The following SUCLA2 variants were observed in gnomAD, a reference collection of about 807,000 sequenced individuals.
SUCLA2 encodes the protein succinate-CoA ligase ADP-forming subunit beta.
SUCLA2 carries 30 observed loss-of-function variants against 54.8 expected under a neutral mutation model. The observed-to-expected ratio is 0.55, with a 90% confidence interval of 0.41 to 0.74. The LOEUF (loss-of-function observed/expected upper bound fraction) is 0.74. SUCLA2 is among the 30% of genes least tolerant of loss of function. The pLI, the probability that SUCLA2 is intolerant of heterozygous loss-of-function variation, is 0.00. For synonymous variants in SUCLA2, 172 were observed against 188.9 expected (o/e 0.91, Z 0.74); for missense variants, 476 against 562.9 (o/e 0.85, Z 1.56).
intron 6 of SUCLA2, 91 bp from the exon 7 acceptor site, chr13:47,954,648 GAC>G: frequency 7.5e-7 from 1 of 1,330,374 alleles, no homozygotes; most frequent in African/African-American, 1.5e-5. Flanking sequence ...TTAGGGAAAA[GAC>G]ACATTTTAAT....
chr13:47,980,318 G>A (rs1044251931), intron 4 of SUCLA2, among the ~76,000 whole-genome samples: 1 of 152,128 alleles, frequency 6.6e-6, no homozygotes, highest in Non-Finnish European at 1.5e-5. Context: ...GGGAGTCTGA[G>A]GCAGGAGAAT....
intron 6 of SUCLA2, chr13:47,956,952 T>C (rs1234984476): frequency 6.6e-6 from 1 of 152,230 alleles, no homozygotes; most frequent in Non-Finnish European, 1.5e-5. Flanking sequence ...GACTATTCTT[T>C]TGGATAAACA....
At chr13:47,978,085 T>C (rs890419438) in intron 4 of SUCLA2, among the ~76,000 whole-genome samples, 5 of 152,196 alleles carry the variant, frequency 3.3e-5, no homozygotes, top group Non-Finnish European at 7.3e-5. Flanking sequence ...AAAATGGCCA[T>C]ACTGCCCAAA....
At chr13:47,966,400 T>C (rs1011797666) in intron 6 of SUCLA2, among the ~76,000 whole-genome samples, 3 of 152,056 alleles carry the variant, frequency 2.0e-5, no homozygotes, top group African/African-American at 7.2e-5. Flanking sequence ...GCAATTCTTA[T>C]CCTTTTACTT....
At chr13:47,972,054 C>T (rs1949970924) in intron 5 of SUCLA2, 1 of 387,896 alleles carries the variant, frequency 2.6e-6, no homozygotes, top group East Asian at 3.6e-5. Context: ...AGTTCAAGAC[C>T]AGCATGGCCA....
rs1048663131 is a variant in SUCLA2, at chr13:47,954,256, T to C, written c.991A>G (p.Thr331Ala). ...CCATGAAGTTTTATTATATCCATTG[T>C]GGCCATAGCCAAACCAGCACCATTT... ...LVNGAGLAMA[T>A]MDIIKLHGGT... Residue 331 changes from threonine to alanine, a missense_variant, in exon 8 of 11, where the codon ACA becomes GCA. Transcript: ENST00000646932. 1.9e-6 allele frequency: 3 copies of C among 1,613,862 alleles called. No individual in the cohort carries two copies. The highest frequency in any genetic ancestry group is 2.7e-5 in the African/African-American group (2 of 74,922).
In SUCLA2 at chr13:47,986,385, G is replaced by T. The variant is rs185394928; in HGVS notation, c.534+2156C>A. Among the ~76,000 whole-genome samples, 898 of 152,164 alleles carry T rather than the reference G, an allele frequency of 5.9e-3. 12 individuals carry two copies. Among genetic ancestry groups the T allele is most frequent in the African/African-American group, 0.02 (814 of 41,504 alleles). ...TGTACTTTGCCCCCTTTTTAATGGGGTTGTTTGCTTTTTTTCTTGAAAATT... is the reference window on the plus strand; with the variant it reads ...TGTACTTTGCCCCCTTTTTAATGGGTTTGTTTGCTTTTTTTCTTGAAAATT... On this transcript the variant is annotated intron_variant, in intron 4 of 10. Transcript: ENST00000646932.
chr13:47,996,799 G>C, intron 2 of SUCLA2, 44 bp downstream of exon 2: 1 of 1,597,530 alleles, frequency 6.3e-7, no homozygotes, highest in Non-Finnish European at 8.6e-7. Flanking sequence ...AATCTTCTCA[G>C]AGCTCTCATG....
rs759605518 is a variant in SUCLA2 at position 48,001,248 on chromosome 13, C to T, written c.22G>A (p.Gly8Ser). The T allele has an allele frequency of 8.1e-6, 13 of 1,605,382 alleles. No individual in the cohort carries two copies. The highest frequency in any genetic ancestry group is 3.4e-5 in the Admixed American group (2 of 58,822). Reference protein sequence around the residue: MAASMFYGRLVAVATLRN... With the variant: MAASMFYSRLVAVATLRN... The stretch of plus-strand genomic sequence containing the variant: ...AGGGTGGCCACGGCCACTAGCCTGC[C>T]GTAGAACATGGAGGCCGCCATTTCT... The change falls in exon 1 of 11, where the codon GGC becomes AGC. Residue 8 changes from glycine (G) to serine (S), a missense_variant. Physicochemically the swap from Gly to Ser is moderately conservative, Grantham distance 56. This residue lies in a region of SUCLA2 where 134 missense variants were observed against 118.7 expected (regional missense o/e 1.13). Coordinates refer to ENST00000646932, the MANE Select transcript of SUCLA2 (RefSeq NM_003850.3).
intron 10 of SUCLA2, among the ~76,000 whole-genome samples, chr13:47,948,164 A>G (rs1949748304): frequency 6.6e-6 from 1 of 152,204 alleles, no homozygotes; most frequent in South Asian, 2.1e-4. Context: ...TTGCTTGAAA[A>G]TAATCACAGT....
intron 4 of SUCLA2, among the ~76,000 whole-genome samples, chr13:47,984,196 T>C (rs1036457941): frequency 8.2e-5 from 12 of 146,782 alleles, no homozygotes; most frequent in Non-Finnish European, 1.5e-5. Context: ...ACTTTTCACT[T>C]TTTTTTTTTT....
intron 6 of SUCLA2, among the ~76,000 whole-genome samples, chr13:47,964,657 A>G (rs1337981096): frequency 2.6e-5 from 4 of 152,116 alleles, no homozygotes; most frequent in African/African-American, 7.2e-5. Context: ...GGAGATCGAG[A>G]CCATCCTGGC....
intron 5 of SUCLA2, among the ~76,000 whole-genome samples, chr13:47,972,763 T>TTG (rs1949978351): frequency 6.8e-6 from 1 of 148,092 alleles, no homozygotes; most frequent in Non-Finnish European, 1.5e-5. Flanking sequence ...TTTTTTTTTT[T>TTG]TTTGAGATGA....
chr13:47,953,995 G>T, intron 8 of SUCLA2, 145 bp downstream of exon 8: 2 of 713,238 alleles, frequency 2.8e-6, no homozygotes, highest in Non-Finnish European at 3.9e-6. Flanking sequence ...AAATCTTCAA[G>T]ATATGATAGC....
chr13:47,964,411 T>A (rs547863987), intron 6 of SUCLA2, among the ~76,000 whole-genome samples: 2 of 152,194 alleles, frequency 1.3e-5, no homozygotes, highest in Non-Finnish European at 2.9e-5. Flanking sequence ...AATCTATGTA[T>A]GGAATAAATT....
In SUCLA2 at chr13:47,968,705, T is replaced by C. The variant is rs142915937; in HGVS notation, c.692A>G (p.Asn231Ser). The C allele has an allele frequency of 2.5e-6, 4 of 1,612,252 alleles. No homozygotes were observed. In the African/African-American group the frequency reaches 5.3e-5, roughly 22 times the overall value. The change falls in exon 6 of 11, where the codon AAT (asparagine) becomes AGT (serine). Residue 231 changes from asparagine (N) to serine (S), a missense_variant. Around this residue, in one of 2 missense-constraint regions of SUCLA2, gnomAD observed 342 missense variants for 444.2 expected, o/e 0.77. Transcript: ENST00000646932. ...GTTTTCTGCTGCTGATTCCACAATATTAGGTGGAAATCCCATCTTCTGTGC... is the reference window on the plus strand; with the variant it reads ...GTTTTCTGCTGCTGATTCCACAATACTAGGTGGAAATCCCATCTTCTGTGC... ...QLAQKMGFPP[N>S]IVESAAENMV...
intron 10 of SUCLA2, among the ~76,000 whole-genome samples, chr13:47,948,621 G>A (rs9534878): frequency 0.73 from 110,813 of 151,898 alleles, 41,369 homozygotes; most frequent in Non-Finnish European, 0.82. Context: ...TATCCTTTTA[G>A]TAATTTTTCA....
intron 1 of SUCLA2, among the ~76,000 whole-genome samples, chr13:48,000,138 A>AAAG (rs1555260548): frequency 9.0e-6 from 1 of 111,264 alleles, no homozygotes; most frequent in Non-Finnish European, 2.1e-5. Context: ...AATAAAAATG[A>AAAG]AAAAAAAAAA....
chr13:47,995,195 A>AT (rs869216476), intron 2 of SUCLA2, among the ~76,000 whole-genome samples: 7 of 151,846 alleles, frequency 4.6e-5, no homozygotes, highest in East Asian at 1.9e-4. Flanking sequence ...TCTAAAAAAA[A>AT]TTTTTTTTTG....
Sources: allele counts gnomAD v4.1 joint callset (sites outside exome capture counted in the v4.1 genomes callset), GRCh38; gene constraint gnomAD v4.1.1; regional missense constraint gnomAD v4.1.1; transcripts MANE v1.5; gene names NCBI Gene and HGNC (gene_info 2026-07-23, HGNC 2026-07-21).